Variants in HMCN1 observed in about 807,000 individuals in gnomAD.
HMCN1 encodes hemicentin 1.
Under a neutral mutation model 625.9 loss-of-function variants are expected in HMCN1, and 321 were observed. The observed-to-expected ratio is 0.51, with a 90% confidence interval of 0.47 to 0.56. The LOEUF is 0.56. HMCN1 is among the 20% of genes least tolerant of loss of function. The probability of loss-of-function intolerance (pLI) is 0.00; values close to 1 mark genes in which losing one functional copy is unlikely to be tolerated. For synonymous variants in HMCN1, 2,425 were observed against 2,417.6 expected (o/e 1.00, Z -0.09); for missense variants, 6,588 against 6,887.3 (o/e 0.96, Z 1.54).
At chr1:186,096,848 A>C (rs1346353656) in intron 68 of HMCN1, among the ~76,000 whole-genome samples, 2 of 152,166 alleles carry the variant, frequency 1.3e-5, no homozygotes, top group Admixed American at 6.6e-5. Flanking sequence ...ACATTCCTTC[A>C]TGAGAAAAAC....
At chr1:186,162,080 A>C (rs1242503545) in intron 97 of HMCN1, among the ~76,000 whole-genome samples, 1 of 152,038 alleles carries the variant, frequency 6.6e-6, no homozygotes, top group Non-Finnish European at 1.5e-5. Flanking sequence ...TTTGGTCTTT[A>C]CACGTAGTCC....
At chr1:186,063,066 G>GTGTATATATATATATA (rs1491400415) in intron 48 of HMCN1, among the ~76,000 whole-genome samples, 6 of 29,926 alleles carry the variant, frequency 2.0e-4, no homozygotes, top group East Asian at 2.2e-3. Context: ...GTGTGTGTGT[G>GTGTATATATATATATA]CATATATATA....
At chr1:185,899,806 A>G (rs1387269563) in intron 4 of HMCN1, among the ~76,000 whole-genome samples, 2 of 152,078 alleles carry the variant, frequency 1.3e-5, no homozygotes, top group Non-Finnish European at 1.5e-5. Context: ...CAGGCAGGCA[A>G]CATACTTTGT....
At chr1:186,168,652 A>C (rs1360904117) in intron 100 of HMCN1, among the ~76,000 whole-genome samples, 1 of 152,170 alleles carries the variant, frequency 6.6e-6, no homozygotes, top group Non-Finnish European at 1.5e-5. Context: ...ATAGCAAGAC[A>C]GAAGTGGCAG....
At chr1:185,832,321 G>T (rs955902678) in intron 1 of HMCN1, among the ~76,000 whole-genome samples, 8 of 151,866 alleles carry the variant, frequency 5.3e-5, no homozygotes, top group African/African-American at 1.9e-4. Context: ...AAATAAAGTT[G>T]ATATGGAAAA....
At position 185,824,357 on chromosome 1, in the gene HMCN1, A is replaced by G. The variant is rs74133676; in HGVS notation, c.269-21669A>G. On this transcript the variant is annotated intron_variant, in intron 1 of 106. Transcript: ENST00000271588. Reference sequence around the variant, plus strand: ...AAACTCTTGTGGCTTTGTTTGTACCACACGTATCTCACACAGTCTGTTTGT... The same window carrying G: ...AAACTCTTGTGGCTTTGTTTGTACCGCACGTATCTCACACAGTCTGTTTGT... Among the ~76,000 whole-genome samples, 1,392 of 152,270 alleles carry G rather than the reference A, an allele frequency of 9.1e-3. 21 individuals carry two copies. Among genetic ancestry groups the G allele is most frequent in the African/African-American group, 0.03 (1,258 of 41,548 alleles).
At chr1:185,949,622 C>T (rs1668537060) in intron 11 of HMCN1, among the ~76,000 whole-genome samples, 2 of 151,882 alleles carry the variant, frequency 1.3e-5, no homozygotes, top group Admixed American at 6.6e-5. Context: ...AAAGGCTCAT[C>T]TCTTATCAGA....
chr1:186,042,853 C>T (rs548898338), intron 40 of HMCN1, among the ~76,000 whole-genome samples: 1 of 151,862 alleles, frequency 6.6e-6, no homozygotes, highest in African/African-American at 2.4e-5. Flanking sequence ...ATGTTAATTC[C>T]CAGAGATAAA....
chr1:186,083,951 T>G (rs1027343445), intron 57 of HMCN1, among the ~76,000 whole-genome samples: 1 of 152,192 alleles, frequency 6.6e-6, no homozygotes, highest in Non-Finnish European at 1.5e-5. Flanking sequence ...AAGAATGAAT[T>G]AATTAAACAA....
chr1:185,826,613 A>C (rs1660527421), intron 1 of HMCN1, among the ~76,000 whole-genome samples: 1 of 152,242 alleles, frequency 6.6e-6, no homozygotes, highest in Non-Finnish European at 1.5e-5. Context: ...AGTAAAAAAG[A>C]TGGGCCAACC....
chr1:185,894,149 C>G (rs1415926306), intron 4 of HMCN1, among the ~76,000 whole-genome samples: 1 of 147,782 alleles, frequency 6.8e-6, no homozygotes, highest in Admixed American at 6.6e-5. Context: ...AAAACAAAAA[C>G]AAAAACAAAA....
intron 97 of HMCN1, among the ~76,000 whole-genome samples, chr1:186,160,736 T>G (rs1018420216): frequency 6.6e-6 from 1 of 152,076 alleles, no homozygotes; most frequent in Non-Finnish European, 1.5e-5. Context: ...CAGTTTTGAG[T>G]GAGTTTCTTA....
chr1:186,114,755 A>G, intron 73 of HMCN1, 64 bp from the exon 74 acceptor site: 1 of 1,582,262 alleles, frequency 6.3e-7, no homozygotes, highest in East Asian at 2.2e-5. Context: ...CATTTCCCTC[A>G]GTCAAAATAT....
At chr1:185,819,237 C>CAAAAAAAAAAAAAAAAAA (rs575598587) in intron 1 of HMCN1, among the ~76,000 whole-genome samples, 46 of 125,122 alleles carry the variant, frequency 3.7e-4, no homozygotes, top group African/African-American at 1.3e-3. Context: ...ATCTCCATCT[C>CAAAAAAAAAAAAAAAAAA]AAAAAAAAAA....
chr1:186,023,790 CAT>C (rs1277201325), intron 36 of HMCN1, among the ~76,000 whole-genome samples: 1 of 152,172 alleles, frequency 6.6e-6, no homozygotes, highest in Non-Finnish European at 1.5e-5. Context: ...CTCTAATTCA[CAT>C]GATTTCTTCT....
intron 3 of HMCN1, among the ~76,000 whole-genome samples, chr1:185,864,939 A>G (rs1233615352): frequency 6.6e-6 from 1 of 152,206 alleles, no homozygotes; most frequent in Non-Finnish European, 1.5e-5. Context: ...TTATATTCCA[A>G]TGTTATCTCC....
At chr1:185,847,546 A>G (rs1050914701) in intron 2 of HMCN1, among the ~76,000 whole-genome samples, 1 of 152,178 alleles carries the variant, frequency 6.6e-6, no homozygotes, top group Non-Finnish European at 1.5e-5. Flanking sequence ...CATATGTAAC[A>G]TATAATCCAT....
At chr1:186,133,789 G>T (rs1649373724) in intron 86 of HMCN1, among the ~76,000 whole-genome samples, 1 of 148,276 alleles carries the variant, frequency 6.7e-6, no homozygotes, top group Non-Finnish European at 1.5e-5. Context: ...AAAAAATAGG[G>T]TTCTATGTTC....
chr1:185,931,779 G>A (rs2102492962), intron 10 of HMCN1, among the ~76,000 whole-genome samples: 1 of 152,288 alleles, frequency 6.6e-6, no homozygotes, highest in Non-Finnish European at 1.5e-5. Context: ...CACTGGAAAG[G>A]GGGGTCTAAC....
Sources: gnomAD v4.1 joint callset for allele counts (sites outside exome capture counted in the v4.1 genomes callset) on GRCh38, gnomAD v4.1.1 for gene constraint, MANE v1.5 for transcripts, NCBI Gene and HGNC (gene_info 2026-07-23, HGNC 2026-07-21) for gene names.